The following NUBPL variants were observed in gnomAD, a reference collection of about 807,000 sequenced individuals.
NUBPL encodes iron-sulfur cluster transfer protein NUBPL.
A neutral mutation model predicts 45.7 loss-of-function variants in NUBPL; 31 were observed. That is an observed-to-expected ratio of 0.68 (90% CI 0.51 to 0.92). NUBPL has a LOEUF of 0.92. NUBPL is among the 40% of genes least tolerant of loss of function. NUBPL has a pLI of 0.00. For missense variants in NUBPL, 401 were observed against 398.7 expected, an observed-to-expected ratio of 1.01 and a Z score of -0.05; for synonymous variants, 144 against 140.9, an observed-to-expected ratio of 1.02 and a Z score of -0.15.
chr14:31,763,801 C>G (rs1328194296), intron 6 of NUBPL, among the ~76,000 whole-genome samples: 2 of 152,144 alleles, frequency 1.3e-5, no homozygotes, highest in South Asian at 2.1e-4. Context: ...GTGCATTCGT[C>G]TTGTCAAAAA....
chr14:31,656,616 G>A (rs1324102089), intron 4 of NUBPL, among the ~76,000 whole-genome samples: 1 of 152,094 alleles, frequency 6.6e-6, no homozygotes, highest in Non-Finnish European at 1.5e-5. Flanking sequence ...CTGGTCAGTC[G>A]AGCAGTCAGA....
chr14:31,635,539 G>C (rs1481670780), intron 4 of NUBPL, among the ~76,000 whole-genome samples: 2 of 151,900 alleles, frequency 1.3e-5, no homozygotes, highest in African/African-American at 2.4e-5. Context: ...CTCCAGCTTT[G>C]TTCTTTTGGC....
At chr14:31,705,755 C>G (rs755326089) in intron 6 of NUBPL, among the ~76,000 whole-genome samples, 3 of 152,164 alleles carry the variant, frequency 2.0e-5, no homozygotes, top group African/African-American at 4.8e-5. Context: ...CCCACCTGAC[C>G]CAGAAGCCCA....
At chr14:31,603,250 T>C (rs933786278) in intron 4 of NUBPL, among the ~76,000 whole-genome samples, 8 of 137,074 alleles carry the variant, frequency 5.8e-5, no homozygotes, top group Admixed American at 4.1e-4. Context: ...CAGTGAGCCA[T>C]GACTGCACCA....
intron 4 of NUBPL, among the ~76,000 whole-genome samples, chr14:31,658,593 G>T (rs915215439): frequency 1.3e-5 from 2 of 151,504 alleles, no homozygotes; most frequent in African/African-American, 4.9e-5. Context: ...GCTCACTGCA[G>T]CCTCCACCTT....
chr14:31,733,918 T>C (rs1356574063), intron 6 of NUBPL, among the ~76,000 whole-genome samples: 1 of 152,196 alleles, frequency 6.6e-6, no homozygotes, highest in Non-Finnish European at 1.5e-5. Context: ...TTCATCGACA[T>C]CATCCATCAG....
At position 31,743,576 on chromosome 14, in the gene NUBPL, C is replaced by T. The variant is rs188237540; in HGVS notation, c.514-44204C>T. On this transcript the variant is annotated intron_variant, in intron 6 of 10. Transcript: ENST00000281081. ...TGTATTTTTAGTAGAGATGGGATTT[C>T]GCCGTGTTGGCCAGGCTGGTCTCGA... Among the ~76,000 whole-genome samples, 23 of 152,152 alleles carry T rather than the reference C, an allele frequency of 1.5e-4. No homozygotes were observed. The East Asian group carries it at 1.9e-3, about 13-fold the overall frequency.
At chr14:31,750,183 T>A (rs899579259) in intron 6 of NUBPL, among the ~76,000 whole-genome samples, 93 of 147,350 alleles carry the variant, frequency 6.3e-4, no homozygotes, top group South Asian at 1.3e-3. Flanking sequence ...TTATTATTTT[T>A]TTTTTTTTTG....
Position 31,752,925 on chromosome 14 carries a change from CAG to C in NUBPL, c.514-34845_514-34844del, listed in dbSNP as rs919111006. ...ACTTTCTTCATATGGTGGCAATAAA[CAG>C]AGAGAGAGAAGGGGGAAGTGCCACT... On this transcript the variant is annotated intron_variant, in intron 6 of 10. Coordinates refer to ENST00000281081, the MANE Select transcript of NUBPL (RefSeq NM_025152.3). Among the ~76,000 whole-genome samples the C allele has an allele frequency of 1.1e-4, 16 of 152,198 alleles. 1 individual carries two copies. In the East Asian group the frequency reaches 2.7e-3, roughly 26 times the overall value.
chr14:31,588,164 C>G (rs575057140), intron 3 of NUBPL, among the ~76,000 whole-genome samples: 2 of 152,312 alleles, frequency 1.3e-5, no homozygotes, highest in South Asian at 4.1e-4. Flanking sequence ...TGCACTTGAA[C>G]TGCCTGACCT....
At chr14:31,700,449 T>C (rs1413966216) in intron 6 of NUBPL, among the ~76,000 whole-genome samples, 1 of 152,140 alleles carries the variant, frequency 6.6e-6, no homozygotes, top group Non-Finnish European at 1.5e-5. Context: ...TGGCCATGCT[T>C]GAGGAGCCCT....
At chr14:31,757,753 T>A (rs930844554) in intron 6 of NUBPL, among the ~76,000 whole-genome samples, 3 of 152,164 alleles carry the variant, frequency 2.0e-5, no homozygotes, top group Admixed American at 1.3e-4. Flanking sequence ...ATATTTCCTG[T>A]AATTAAATGT....
intron 5 of NUBPL, 22 bp downstream of exon 5, chr14:31,673,416 A>G (rs1408894160): frequency 1.2e-6 from 2 of 1,606,960 alleles, no homozygotes; most frequent in Non-Finnish European, 1.7e-6. Flanking sequence ...TATATTTTTA[A>G]TGTTACTTTT....
intron 7 of NUBPL, among the ~76,000 whole-genome samples, chr14:31,788,267 G>A (rs1449079575): frequency 2.0e-5 from 3 of 152,190 alleles, no homozygotes; most frequent in Non-Finnish European, 2.9e-5. Context: ...GAGACAGTAT[G>A]CTCTGAAAGA....
intron 6 of NUBPL, among the ~76,000 whole-genome samples, chr14:31,754,319 A>G (rs1368717646): frequency 1.3e-5 from 2 of 152,216 alleles, no homozygotes; most frequent in Non-Finnish European, 2.9e-5. Flanking sequence ...CTAAGTAGTT[A>G]GCATAAATTA....
intron 4 of NUBPL, among the ~76,000 whole-genome samples, chr14:31,627,840 A>G (rs558317115): frequency 1.2e-4 from 19 of 152,224 alleles, no homozygotes; most frequent in Non-Finnish European, 2.4e-4. Context: ...TATATTTACC[A>G]TATTAGAAAT....
intron 3 of NUBPL, among the ~76,000 whole-genome samples, chr14:31,582,820 A>T (rs2139500108): frequency 6.6e-6 from 1 of 152,306 alleles, no homozygotes; most frequent in Admixed American, 6.5e-5. Flanking sequence ...AGAAAAAAGG[A>T]TTTGGTTTTA....
intron 10 of NUBPL, among the ~76,000 whole-genome samples, chr14:31,856,914 G>A (rs1363721385): frequency 6.6e-6 from 1 of 152,216 alleles, no homozygotes; most frequent in African/African-American, 2.4e-5. Flanking sequence ...CAAGTTGTCA[G>A]TGGATCTGCC....
At chr14:31,728,374 T>C (rs954508895) in intron 6 of NUBPL, among the ~76,000 whole-genome samples, 5 of 152,140 alleles carry the variant, frequency 3.3e-5, no homozygotes, top group African/African-American at 1.2e-4. Flanking sequence ...ATGGTCTCCA[T>C]CCTCCTACCT....
Sources: gnomAD v4.1 joint callset for allele counts (sites outside exome capture counted in the v4.1 genomes callset) on GRCh38, gnomAD v4.1.1 for gene constraint, MANE v1.5 for transcripts, NCBI Gene and HGNC (gene_info 2026-07-23, HGNC 2026-07-21) for gene names.